Variants in CHD5 observed in about 807,000 individuals in gnomAD.
CHD5 encodes ATP-dependent chromatin remodeler CHD5.
Under a neutral mutation model 230.3 loss-of-function variants are expected in CHD5, and 69 were observed. The ratio of observed to expected loss-of-function variants is 0.30; its 90% confidence interval spans 0.25 to 0.37. The LOEUF (loss-of-function observed/expected upper bound fraction) is 0.37. CHD5 is among the 10% of genes least tolerant of loss of function. CHD5 has a pLI of 1.00. For missense variants in CHD5, 1,827 were observed against 2,622.8 expected (o/e 0.70, Z 6.63); for synonymous variants, 1,064 against 1,065.9 (o/e 1.00, Z 0.03).
At chr1:6,106,320 G>A (rs967344489) in intron 40 of CHD5, 33 bp from the exon 41 acceptor site, 3 of 1,612,624 alleles carry the variant, frequency 1.9e-6, no homozygotes, top group South Asian at 1.1e-5. Context: ...GGGCTTGCCT[G>A]ACGTTGGCAG....
intron 3 of CHD5, among the ~76,000 whole-genome samples, chr1:6,158,262 C>T (rs1324773091): frequency 1.3e-5 from 2 of 152,156 alleles, no homozygotes; most frequent in South Asian, 2.1e-4. Context: ...TTCCTGGGGA[C>T]GCTGGGCCCA....
Position 6,155,460 on chromosome 1 carries a change from GCT to G in CHD5, c.506+137_506+138del, listed in dbSNP as rs1158462539. ...GAAGGGGTCCTGCCCCCTCCCTCCA[GCT>G]CCCCCAGGTTGCTCAGTCGGTCTGA... is the stretch of plus-strand genomic sequence containing the variant. On this transcript the variant is annotated intron_variant, in intron 4 of 41. Coordinates refer to ENST00000262450, the MANE Select transcript of CHD5 (RefSeq NM_015557.3). The surrounding 1 kb of genome is among the most constrained non-coding windows in gnomAD (Gnocchi z 4.0). 5.9e-6 allele frequency: 4 copies of G among 678,744 alleles called. No homozygotes were observed. The highest frequency in any genetic ancestry group is 4.8e-5 in the Admixed American group (2 of 41,682). 42.0% of individuals were successfully genotyped at this position (678,744 alleles called of 1,614,324 possible).
chr1:6,139,664 C>A (rs1666798579), intron 15 of CHD5, among the ~76,000 whole-genome samples: 1 of 152,144 alleles, frequency 6.6e-6, no homozygotes, highest in African/African-American at 2.4e-5. Context: ...AATCCTCCTG[C>A]CTCAGCCTCC....
chr1:6,115,847 G>A (rs777643468), intron 33 of CHD5, among the ~76,000 whole-genome samples: 3 of 152,330 alleles, frequency 2.0e-5, no homozygotes, highest in South Asian at 2.1e-4. Context: ...CTCATGGTGA[G>A]TGCTGTTTTA....
Position 6,136,830 on chromosome 1 carries a change from G to A in CHD5, c.2472C>T (p.Thr824=). 1 of 1,612,470 alleles carries A rather than the reference G, an allele frequency of 6.2e-7. No homozygotes were observed. The highest frequency in any genetic ancestry group is 8.5e-7 in the Non-Finnish European group (1 of 1,178,832). ...GGTCAATGGTGATGAGCTCATAGGA[G>A]GTGAGCAGCACGTGGAATTTGATCT... ...EVQIKFHVLL[T]SYELITIDQA... The change falls in exon 16 of 42, where the codon ACC becomes ACT. Residue 824 remains threonine, a synonymous_variant. Coordinates refer to ENST00000262450, the MANE Select transcript of CHD5 (RefSeq NM_015557.3).
At chr1:6,114,575 A>G (rs1666346500) in intron 33 of CHD5, among the ~76,000 whole-genome samples, 1 of 151,932 alleles carries the variant, frequency 6.6e-6, no homozygotes, top group Admixed American at 6.6e-5. Context: ...ATGTTTTAAG[A>G]AAGTTTATGA....
intron 15 of CHD5, among the ~76,000 whole-genome samples, chr1:6,140,513 G>A (rs946061726): frequency 1.9e-4 from 29 of 152,180 alleles, no homozygotes; most frequent in African/African-American, 7.0e-4. Context: ...ACAGCACCAT[G>A]AGACCTCATG....
intron 13 of CHD5, among the ~76,000 whole-genome samples, chr1:6,143,074 T>G (rs925272102): frequency 6.9e-6 from 1 of 144,784 alleles, no homozygotes; most frequent in Non-Finnish European, 1.5e-5. Context: ...TTTTTTTTTT[T>G]GAGACAGAGT....
chr1:6,123,467 C>CGG (rs1666503222), intron 31 of CHD5, among the ~76,000 whole-genome samples: 1 of 152,030 alleles, frequency 6.6e-6, no homozygotes, highest in African/African-American at 2.4e-5. Context: ...GCTTTGTCCC[C>CGG]CCAGGCTGGA....
rs749449609 is a variant in CHD5, at chr1:6,154,785, G to A, written c.620C>T (p.Ala207Val). ...ANNPFKGSSA[A>V]AAAAAVAAAV... ...CGCAGCCACCGCCGCCGCCGCTGCTGCCGCGGAGCTGCCCTTGAAGGGGTT... is the reference window on the plus strand; with the variant it reads ...CGCAGCCACCGCCGCCGCCGCTGCTACCGCGGAGCTGCCCTTGAAGGGGTT... Residue 207 changes from alanine (A) to valine (V), a missense_variant, in exon 5 of 42, where the codon GCA (alanine) becomes GTA (valine). Ala to Val is a moderately conservative substitution (Grantham distance 64). This residue lies in a region of CHD5 where 657 missense variants were observed against 816.4 expected (regional missense o/e 0.80). Transcript: ENST00000262450. The surrounding 1 kb of genome is among the most constrained non-coding windows in gnomAD (Gnocchi z 7.0). The A allele has an allele frequency of 2.5e-6, 4 of 1,613,470 alleles. No individual in the cohort carries two copies. The highest frequency in any genetic ancestry group is 1.7e-5 in the Admixed American group (1 of 60,012).
Position 6,126,854 on chromosome 1 carries a change from T to C in CHD5, c.3904-108A>G, listed in dbSNP as rs542727657. 6 of 998,098 alleles carry C rather than the reference T, an allele frequency of 6.0e-6. No homozygotes were observed. The East Asian group carries it at 1.5e-4, about 26-fold the overall frequency. 61.8% of individuals were successfully genotyped at this position (998,098 alleles called of 1,614,324 possible). ...CCTTTGCCCCCTCAGGGCTCAAGGA[T>C]TAATGGGATGGCCTGCCTACTCCAG... On this transcript the variant is annotated intron_variant, in intron 25 of 41. Coordinates refer to ENST00000262450, the MANE Select transcript of CHD5 (RefSeq NM_015557.3). This position sits in a 1 kb window ranked among gnomAD's most constrained non-coding sequence, Gnocchi z 5.7.
intron 37 of CHD5, 30 bp downstream of exon 37, chr1:6,110,364 C>T (rs1557535873): frequency 1.2e-6 from 2 of 1,613,154 alleles, no homozygotes; most frequent in East Asian, 2.2e-5. Flanking sequence ...CTCCCTGCCC[C>T]GTGCAGCCCT....
rs748050796 is a variant in CHD5, at chr1:6,128,160, G to A, written c.3789C>T (p.Ser1263=). Residue 1263 remains serine (S), a synonymous_variant, in exon 25 of 42, where the codon TCC becomes TCT. Transcript: ENST00000262450. The surrounding 1 kb of genome is among the most constrained non-coding windows in gnomAD (Gnocchi z 7.8). ...CGTCCTGGTTCCGGTCCAGCAGCTTGGAGATGGCCGCATCGTCATAGTGGA... is the reference window on the plus strand; with the variant it reads ...CGTCCTGGTTCCGGTCCAGCAGCTTAGAGATGGCCGCATCGTCATAGTGGA... The part of the protein sequence containing the change: ...SVIHYDDAAI[S]KLLDRNQDAT... 28 of 1,614,032 alleles carry A rather than the reference G, an allele frequency of 1.7e-5. No homozygotes were observed. The South Asian group carries it at 2.4e-4, about 14-fold the overall frequency.
Position 6,146,115 on chromosome 1 carries a change from GGCCCTGGCACCCTGC to G in CHD5, c.1802+82_1802+96del. ...TTCTGCACGGCAGCCCCAAAGCAAG[GGCCCTGGCACCCTGC>G]GCTGCACCCATTTTACAGGGCAAAG... On this transcript the variant is annotated intron_variant, in intron 11 of 41. Coordinates refer to ENST00000262450, the MANE Select transcript of CHD5 (RefSeq NM_015557.3). The surrounding 1 kb of genome is among the most constrained non-coding windows in gnomAD (Gnocchi z 5.1). 8.2e-7 allele frequency: 1 copy of G among 1,224,690 alleles called. No homozygotes were observed. The highest frequency in any genetic ancestry group is 1.4e-5 in the South Asian group (1 of 72,648). The allele number at this position is 1,224,690 out of a possible 1,614,324, so 75.9% of individuals were successfully genotyped here.
chr1:6,125,105 C>T lies in CHD5; in HGVS notation c.4389G>A (p.Glu1463=), dbSNP rs1186993989. ...CCACCACCTAGCCCCTTTACCTAAACTCCTTCTCGCTCTTCCCTCGAAGGT... is the reference window on the plus strand; with the variant it reads ...CCACCACCTAGCCCCTTTACCTAAATTCCTTCTCGCTCTTCCCTCGAAGGT... ...VRDLRGKSEK[E]FRAYVSLFMR... Residue 1463 remains glutamate (E), a synonymous_variant, in exon 29 of 42, where the codon GAG becomes GAA. Transcript: ENST00000262450. The surrounding 1 kb of genome is among the most constrained non-coding windows in gnomAD (Gnocchi z 6.7). The T allele has an allele frequency of 6.3e-7, 1 of 1,587,768 alleles. No homozygotes were observed. The highest frequency in any genetic ancestry group is 8.6e-7 in the Non-Finnish European group (1 of 1,167,008).
At chr1:6,179,302 C>A (rs1173705080) in intron 1 of CHD5, among the ~76,000 whole-genome samples, 1 of 152,146 alleles carries the variant, frequency 6.6e-6, no homozygotes, top group African/African-American at 2.4e-5. Flanking sequence ...ACGCCGGCGG[C>A]CCGGGTAAAG....
At chr1:6,176,337 G>A (rs971527850) in intron 1 of CHD5, among the ~76,000 whole-genome samples, 51 of 152,290 alleles carry the variant, frequency 3.3e-4, no homozygotes, top group Non-Finnish European at 1.2e-4. Flanking sequence ...ATTGTCACTG[G>A]GGCCAGAGAG....
chr1:6,109,778 GGGCAGGACTTGCTCACCCTTGTGCAGGAC>G lies in CHD5; in HGVS notation c.5566_5578+16del, dbSNP rs758884121. On this transcript the variant is annotated splice_donor_variant and splice_donor_5th_base_variant and coding_sequence_variant and intron_variant, in exon 38 of 42. Coordinates refer to ENST00000262450, the MANE Select transcript of CHD5 (RefSeq NM_015557.3). LOFTEE classifies it high-confidence loss of function. ...GAAGGGCGGGGGGCTGCACCGTGGG[GGGCAGGACTTGCTCACCCTTGTGCAGGAC>G]GGCATTGGCAGGCTTGTTCCCAGCA... 1 of 1,608,272 alleles carries G rather than the reference GGGCAGGACTTGCTCACCCTTGTGCAGGAC, an allele frequency of 6.2e-7. No homozygotes were observed. Among genetic ancestry groups the G allele is most frequent in the Non-Finnish European group, 8.5e-7 (1 of 1,177,498 alleles).
In CHD5 at chr1:6,128,092, C is replaced by G. The variant is rs1364035397; in HGVS notation, c.3857G>C (p.Ser1286Thr). ...CACGTACTGCGCCACCTTGAAGGAG[C>G]TCAGGTACTCGTTCATGTTCTGTAG... is the stretch of plus-strand genomic sequence containing the variant. Reference protein sequence around the residue: ...TELQNMNEYLSSFKVAQYVVR... With the variant: ...TELQNMNEYLTSFKVAQYVVR... Residue 1286 changes from serine (S) to threonine (T), a missense_variant, in exon 25 of 42, where the codon AGC becomes ACC. Coordinates refer to ENST00000262450, the MANE Select transcript of CHD5 (RefSeq NM_015557.3). This position sits in a 1 kb window ranked among gnomAD's most constrained non-coding sequence, Gnocchi z 7.8. 1.2e-6 allele frequency: 2 copies of G among 1,613,592 alleles called. No homozygotes were observed. Among genetic ancestry groups the G allele is most frequent in the East Asian group, 2.2e-5 (1 of 44,878 alleles).
Sources: allele counts gnomAD v4.1 joint callset (sites outside exome capture counted in the v4.1 genomes callset), GRCh38; gene constraint gnomAD v4.1.1; regional missense constraint gnomAD v4.1.1; non-coding constraint Gnocchi (gnomAD v3.1); transcripts MANE v1.5; gene names NCBI Gene and HGNC (gene_info 2026-07-23, HGNC 2026-07-21).